PPM1B: variants seen among roughly 807,000 people sequenced by gnomAD.
The protein encoded by PPM1B is protein phosphatase 1B.
PPM1B carries 22 observed loss-of-function variants against 43.0 expected under a neutral mutation model. That is an observed-to-expected ratio of 0.51 (90% CI 0.37 to 0.73). The LOEUF (loss-of-function observed/expected upper bound fraction) is 0.73, where lower values mean the gene tolerates loss of function less well. Ranked by LOEUF, PPM1B falls within the 30% of genes least tolerant of loss-of-function variation. The probability of loss-of-function intolerance (pLI) is 0.00; values close to 1 mark genes in which losing one functional copy is unlikely to be tolerated. For synonymous variants in PPM1B, 217 were observed against 197.9 expected (o/e 1.10, Z -0.81); for missense variants, 632 against 584.2 (o/e 1.08, Z -0.84).
chr2:44,214,373 A>G (rs187774223), intron 3 of PPM1B, among the ~76,000 whole-genome samples: 74 of 151,742 alleles, frequency 4.9e-4, no homozygotes, highest in Non-Finnish European at 9.7e-4. Context: ...CCGACCCCAT[A>G]GAGTTTTTTT....
Position 44,219,645 on chromosome 2 carries a change from T to C in PPM1B, c.1134+1108T>C, listed in dbSNP as rs992191010. Among the ~76,000 whole-genome samples the C allele has an allele frequency of 1.7e-4, 26 of 152,086 alleles. 1 individual carries two copies. Among genetic ancestry groups the C allele is most frequent in the Admixed American group, 1.7e-3 (26 of 15,276 alleles). On this transcript the variant is annotated intron_variant, in intron 5 of 5. Transcript: ENST00000282412. ...TTTTTGTGGCAGGTTCCTCAGAGTA[T>C]TAAGAATTGTACCCAAGGCCGGGCA...
At chr2:44,238,391 G>GA (rs1306137650), downstream of PPM1B, among the ~76,000 whole-genome samples, 1 of 152,032 alleles carries the variant, frequency 6.6e-6, no homozygotes, top group Non-Finnish European at 1.5e-5. Flanking sequence ...TGGTTCTACT[G>GA]AAGTATACTC....
At chr2:44,187,054 A>G (rs1026144823) in intron 1 of PPM1B, among the ~76,000 whole-genome samples, 1 of 152,230 alleles carries the variant, frequency 6.6e-6, no homozygotes, top group Non-Finnish European at 1.5e-5. Flanking sequence ...TGCAAAACTG[A>G]AACTCTATGC....
chr2:44,245,403 G>A (rs1670837683), downstream of PPM1B, among the ~76,000 whole-genome samples: 1 of 152,108 alleles, frequency 6.6e-6, no homozygotes, highest in African/African-American at 2.4e-5. Context: ...TGCCTGTCGT[G>A]TTGCATCTCT....
intron 5 of PPM1B, chr2:44,229,989 T>G: frequency 1.3e-6 from 2 of 1,580,056 alleles, no homozygotes; most frequent in Non-Finnish European, 1.7e-6. Context: ...TCCTACTTAT[T>G]TAGCAGAAAT....
chr2:44,230,850 T>G lies in PPM1B; in HGVS notation c.*132T>G. 5 of 1,434,372 alleles carry G rather than the reference T, an allele frequency of 3.5e-6. No homozygotes were observed. Among genetic ancestry groups the G allele is most frequent in the Non-Finnish European group, 3.7e-6 (4 of 1,088,562 alleles). 88.9% of individuals were successfully genotyped at this position (1,434,372 alleles called of 1,614,324 possible). On this transcript the variant is annotated 3_prime_UTR_variant, in exon 6 of 6. Transcript: ENST00000282412. ...TTTTATTATATTCAGATAGCCTTGT[T>G]TTTTAAAAAGGCCTTTGCATACACC...
rs1310348859 is a variant in PPM1B, at chr2:44,207,154, C to A, written c.847-2056C>A. ...TGAAGTCTTCTGAAGACCCAACCTT[C>A]ACTGCCTTCAAACTTTACTCCCATT... On this transcript the variant is annotated intron_variant, in intron 2 of 5. Coordinates refer to ENST00000282412, the MANE Select transcript of PPM1B (RefSeq NM_002706.6). Among the ~76,000 whole-genome samples the A allele has an allele frequency of 2.0e-5, 3 of 152,184 alleles. No individual in the cohort carries two copies. The East Asian group carries it at 5.8e-4, about 29-fold the overall frequency.
In PPM1B at chr2:44,209,242, T is replaced by C; in HGVS notation, c.879T>C (p.Val293=). 2 of 1,613,306 alleles carry C rather than the reference T, an allele frequency of 1.2e-6. No homozygotes were observed. The highest frequency in any genetic ancestry group is 1.7e-6 in the Non-Finnish European group (2 of 1,179,308). The part of the protein sequence containing the change: ...GSRDNMSIVL[V]CFSNAPKVSD... ...GAGATAACATGAGTATTGTACTAGT[T>C]TGCTTTTCAAATGCTCCCAAGGTCT... Residue 293 remains valine, a synonymous_variant, in exon 3 of 6, where the codon GTT becomes GTC. Coordinates refer to ENST00000282412, the MANE Select transcript of PPM1B (RefSeq NM_002706.6).
At chr2:44,183,105 C>T (rs2104028129) in intron 1 of PPM1B, among the ~76,000 whole-genome samples, 1 of 152,314 alleles carries the variant, frequency 6.6e-6, no homozygotes, top group African/African-American at 2.4e-5. Flanking sequence ...CTTCAGAAGC[C>T]TGTTTTCCTT....
At chr2:44,193,908 C>G (rs986974206) in intron 1 of PPM1B, among the ~76,000 whole-genome samples, 2 of 152,072 alleles carry the variant, frequency 1.3e-5, no homozygotes, top group African/African-American at 4.8e-5. Context: ...GAGACAGAGT[C>G]TCACTTTGTT....
At chr2:44,241,841 A>C (rs1670751281) in intron 5 of PPM1B, among the ~76,000 whole-genome samples, 1 of 150,354 alleles carries the variant, frequency 6.7e-6, no homozygotes, top group Non-Finnish European at 1.5e-5. Flanking sequence ...TGTTATAATA[A>C]GTATTAGAAA....
chr2:44,179,516 A>G (rs556815911), intron 1 of PPM1B, among the ~76,000 whole-genome samples: 2 of 152,132 alleles, frequency 1.3e-5, no homozygotes, highest in Admixed American at 6.5e-5. Flanking sequence ...CTAAGGAGAG[A>G]GAAATGGTGT....
chr2:44,183,555 T>C (rs1176464275), intron 1 of PPM1B, among the ~76,000 whole-genome samples: 1 of 152,142 alleles, frequency 6.6e-6, no homozygotes, highest in Admixed American at 6.5e-5. Context: ...AAGGCCTGCC[T>C]CCTCATCACC....
chr2:44,211,377 G>A (rs540019953), intron 3 of PPM1B, among the ~76,000 whole-genome samples: 1 of 152,092 alleles, frequency 6.6e-6, no homozygotes, highest in African/African-American at 2.4e-5. Flanking sequence ...GGAATGTGCA[G>A]CTTGGGTTGG....
At chr2:44,208,175 A>C (rs959735524) in intron 2 of PPM1B, among the ~76,000 whole-genome samples, 1 of 151,996 alleles carries the variant, frequency 6.6e-6, no homozygotes, top group Non-Finnish European at 1.5e-5. Context: ...GGCGTGAGCC[A>C]CCGTGCCCAG....
intron 1 of PPM1B, among the ~76,000 whole-genome samples, chr2:44,199,319 AAAAAT>A (rs1668817704): frequency 5.3e-5 from 5 of 93,832 alleles, no homozygotes; most frequent in Admixed American, 9.0e-5. Flanking sequence ...AAAAAAAAAT[AAAAAT>A]AAAAAAAAAA....
Position 44,230,938 on chromosome 2 carries a change from T to C in PPM1B, c.*220T>C. 2 of 1,151,686 alleles carry C rather than the reference T, an allele frequency of 1.7e-6. No homozygotes were observed. Among genetic ancestry groups the C allele is most frequent in the South Asian group, 6.2e-5 (2 of 32,222 alleles). 71.3% of individuals were successfully genotyped at this position (1,151,686 alleles called of 1,614,324 possible). ...ATGGATTTAATGAAATTATATGTCA[T>C]TTCACATTGTATGCCAGAAATTAGG... On this transcript the variant is annotated 3_prime_UTR_variant, in exon 6 of 6. Transcript: ENST00000282412.
intron 5 of PPM1B, among the ~76,000 whole-genome samples, chr2:44,241,635 G>A (rs1451683705): frequency 8.8e-6 from 1 of 114,282 alleles, no homozygotes; most frequent in Non-Finnish European, 2.1e-5. Flanking sequence ...GGGAGGCTGA[G>A]GCAGGAGAAT....
chr2:44,220,016 G>A (rs1006481904), intron 5 of PPM1B, among the ~76,000 whole-genome samples: 1 of 151,916 alleles, frequency 6.6e-6, no homozygotes, highest in Non-Finnish European at 1.5e-5. Context: ...TGATCCATCA[G>A]AGAACCCTCA....
Sources: allele counts gnomAD v4.1 joint callset (sites outside exome capture counted in the v4.1 genomes callset), GRCh38; gene constraint gnomAD v4.1.1; transcripts MANE v1.5; gene names NCBI Gene and HGNC (gene_info 2026-07-23, HGNC 2026-07-21).